Variants in CTNNA2 observed in about 807,000 individuals in gnomAD.
The protein encoded by CTNNA2 is catenin alpha 2.
Under a neutral mutation model 101.0 loss-of-function variants are expected in CTNNA2, and 42 were observed. That is an observed-to-expected ratio of 0.42 (90% CI 0.32 to 0.54). CTNNA2 has a LOEUF of 0.54. CTNNA2 is among the 20% of genes least tolerant of loss of function. The pLI is 0.14. For missense variants in CTNNA2, 871 were observed against 1,223.1 expected, an observed-to-expected ratio of 0.71 and a Z score of 4.29; for synonymous variants, 450 against 456.4, an observed-to-expected ratio of 0.99 and a Z score of 0.18.
chr2:80,006,613 G>T (rs1693370553), intron 7 of CTNNA2, among the ~76,000 whole-genome samples: 1 of 152,068 alleles, frequency 6.6e-6, no homozygotes, highest in South Asian at 2.1e-4. Flanking sequence ...TTCTGCTTCA[G>T]CCCGTGCAAA....
Position 80,101,715 on chromosome 2 carries a change from A to G in CTNNA2, c.1056+191918A>G, listed in dbSNP as rs185918348. Among the ~76,000 whole-genome samples, 620 of 152,304 alleles carry G rather than the reference A, an allele frequency of 4.1e-3. 4 individuals are homozygous for G. The highest frequency in any genetic ancestry group is 4.8e-3 in the Non-Finnish European group (324 of 68,028). Reference sequence around the variant, plus strand: ...TCATGGCAAGGCAGCATGGCAGCATATCTCCTCTCTGGCTCCTCCTGTGAT... The same window carrying G: ...TCATGGCAAGGCAGCATGGCAGCATGTCTCCTCTCTGGCTCCTCCTGTGAT... On this transcript the variant is annotated intron_variant, in intron 7 of 18. Coordinates refer to ENST00000402739, the MANE Select transcript of CTNNA2 (RefSeq NM_001282597.3).
At chr2:79,573,959 T>C (rs1675625245) in intron 1 of CTNNA2, 1 of 167,904 alleles carries the variant, frequency 6.0e-6, no homozygotes, top group African/African-American at 2.4e-5. Context: ...CAAGCAAGAT[T>C]GTCTTGTTCA....
chr2:79,353,256 A>T (rs1269784221), intron 3 of CTNNA2, among the ~76,000 whole-genome samples: 1 of 152,232 alleles, frequency 6.6e-6, no homozygotes, highest in Non-Finnish European at 1.5e-5. Context: ...CCCAAAAGTC[A>T]TTTAGCAGCA....
At chr2:80,101,724 C>G (rs1395771880) in intron 7 of CTNNA2, among the ~76,000 whole-genome samples, 1 of 152,218 alleles carries the variant, frequency 6.6e-6, no homozygotes, top group Non-Finnish European at 1.5e-5. Flanking sequence ...TATCTCCTCT[C>G]TGGCTCCTCC....
intron 3 of CTNNA2, among the ~76,000 whole-genome samples, chr2:79,824,258 G>A (rs1447084205): frequency 6.6e-6 from 1 of 152,126 alleles, no homozygotes; most frequent in Admixed American, 6.5e-5. Flanking sequence ...TCACCCAGAG[G>A]CTAAACACCA....
chr2:80,246,180 T>C (rs1340624446), intron 7 of CTNNA2, among the ~76,000 whole-genome samples: 2 of 152,152 alleles, frequency 1.3e-5, no homozygotes, highest in African/African-American at 4.8e-5. Context: ...GTTTCCCACA[T>C]TTAGTGCCCA....
chr2:79,581,681 T>C (rs1419672886), intron 1 of CTNNA2, among the ~76,000 whole-genome samples: 1 of 151,918 alleles, frequency 6.6e-6, no homozygotes, highest in Non-Finnish European at 1.5e-5. Context: ...TTATCAGCAA[T>C]AGAAAAAGAA....
chr2:80,112,020 G>A (rs1310844707), intron 7 of CTNNA2, among the ~76,000 whole-genome samples: 1 of 152,124 alleles, frequency 6.6e-6, no homozygotes, highest in African/African-American at 2.4e-5. Context: ...ACCTGTTCTT[G>A]AAGAACTTAT....
At chr2:79,641,915 A>T (rs1680473676) in intron 1 of CTNNA2, among the ~76,000 whole-genome samples, 1 of 152,158 alleles carries the variant, frequency 6.6e-6, no homozygotes, top group Admixed American at 6.6e-5. Context: ...TAAGTATAAA[A>T]ACCCATTTCA....
chr2:79,384,161 A>G (rs997417378), intron 4 of CTNNA2, among the ~76,000 whole-genome samples: 1 of 152,192 alleles, frequency 6.6e-6, no homozygotes, highest in Non-Finnish European at 1.5e-5. Flanking sequence ...ATGATAAAAA[A>G]CAATCAGCGT....
intron 18 of CTNNA2, 88 bp downstream of exon 18, chr2:80,619,316 A>C (rs1183741467): frequency 1.5e-6 from 2 of 1,335,362 alleles, no homozygotes; most frequent in Non-Finnish European, 1.9e-6. Flanking sequence ...GGAAATAAAA[A>C]TGTGCCCACT....
chr2:79,942,691 T>C (rs892801589), intron 7 of CTNNA2, among the ~76,000 whole-genome samples: 1 of 152,158 alleles, frequency 6.6e-6, no homozygotes, highest in East Asian at 1.9e-4. Flanking sequence ...CCAAGAGGCA[T>C]ACTTGCCATA....
intron 1 of CTNNA2, chr2:79,633,910 A>T (rs1203923274): frequency 1.3e-5 from 2 of 152,206 alleles, no homozygotes; most frequent in Non-Finnish European, 2.9e-5. Flanking sequence ...GTCCTTAAGG[A>T]ACCTCTCAAA....
intron 18 of CTNNA2, among the ~76,000 whole-genome samples, chr2:80,643,106 A>G (rs1673672224): frequency 6.6e-6 from 1 of 152,198 alleles, no homozygotes; most frequent in African/African-American, 2.4e-5. Context: ...GAGAATCATA[A>G]TAATTAGCAG....
chr2:80,421,474 A>T (rs1351855790), intron 9 of CTNNA2, among the ~76,000 whole-genome samples: 1 of 151,954 alleles, frequency 6.6e-6, no homozygotes, highest in Admixed American at 6.6e-5. Context: ...AGCTTTTTCC[A>T]CTCATTCTCC....
intron 7 of CTNNA2, among the ~76,000 whole-genome samples, chr2:80,344,770 G>A (rs537478375): frequency 1.3e-5 from 2 of 152,276 alleles, no homozygotes; most frequent in African/African-American, 2.4e-5. Flanking sequence ...ACAGGTGTGA[G>A]CCACAACACA....
At chr2:79,432,718 A>T (rs1377162925) in intron 4 of CTNNA2, among the ~76,000 whole-genome samples, 2 of 152,090 alleles carry the variant, frequency 1.3e-5, no homozygotes, top group East Asian at 1.9e-4. Context: ...GTTTATTTCC[A>T]CTTTGGAAGG....
At chr2:79,277,991 C>A (rs115963714) in intron 2 of CTNNA2, among the ~76,000 whole-genome samples, 3 of 152,062 alleles carry the variant, frequency 2.0e-5, no homozygotes, top group African/African-American at 7.2e-5. Context: ...TTTAAACCTC[C>A]GTATGTAAGG....
chr2:80,458,164 C>T (rs373862461), intron 9 of CTNNA2, among the ~76,000 whole-genome samples: 2 of 151,952 alleles, frequency 1.3e-5, no homozygotes, highest in East Asian at 3.8e-4. Context: ...ATAAATAAAC[C>T]TTCGATTTTT....
Sources: allele counts gnomAD v4.1 joint callset (sites outside exome capture counted in the v4.1 genomes callset), GRCh38; gene constraint gnomAD v4.1.1; transcripts MANE v1.5; gene names NCBI Gene and HGNC (gene_info 2026-07-23, HGNC 2026-07-21).